LTN1: variants seen among roughly 807,000 people sequenced by gnomAD.
The protein encoded by LTN1 is E3 ubiquitin-protein ligase listerin.
Under a neutral mutation model 201.2 loss-of-function variants are expected in LTN1, and 88 were observed. The ratio of observed to expected loss-of-function variants is 0.44; its 90% CI spans 0.37 to 0.52. LTN1 has a LOEUF of 0.52. Ranked by LOEUF, LTN1 falls within the 20% of genes least tolerant of loss-of-function variation. The pLI, the probability that LTN1 is intolerant of heterozygous loss-of-function variation, is 0.00. For synonymous variants in LTN1, 645 were observed against 713.5 expected, an observed-to-expected ratio of 0.90 and a Z score of 1.53; for missense variants, 1,752 against 2,038.7, an observed-to-expected ratio of 0.86 and a Z score of 2.71.
At chr21:28,942,259 G>C (rs2084302991) in intron 24 of LTN1, among the ~76,000 whole-genome samples, 1 of 152,004 alleles carries the variant, frequency 6.6e-6, no homozygotes. Context: ...TAAAATACCA[G>C]CTCCAAAATC....
At chr21:28,945,749 T>C in intron 21 of LTN1, 58 bp downstream of exon 21, 1 of 1,496,010 alleles carries the variant, frequency 6.7e-7, no homozygotes, top group Non-Finnish European at 9.1e-7. Flanking sequence ...TAAATAGTTC[T>C]GATGCAAAAG....
chr21:28,982,437 G>T, intron 4 of LTN1, 69 bp from the exon 5 acceptor site: 1 of 1,157,016 alleles, frequency 8.6e-7, no homozygotes, highest in Non-Finnish European at 1.3e-6. Flanking sequence ...ACAGAGCCTA[G>T]TTAAATAAAA....
intron 19 of LTN1, 42 bp downstream of exon 19, chr21:28,947,422 C>G: frequency 7.0e-7 from 1 of 1,437,534 alleles, no homozygotes; most frequent in Non-Finnish European, 9.2e-7. Flanking sequence ...TCATCTCAAG[C>G]AATAATTAAA....
Position 28,986,939 on chromosome 21 carries a change from T to C in LTN1, c.43-5A>G. ...AGCTCGGCCACTGTTTGAAGGCTGA[T>C]AAGAAAATTACGGAGAAAAAAGTCA... On this transcript the variant is annotated splice_region_variant and splice_polypyrimidine_tract_variant and intron_variant, in intron 1 of 29. Coordinates refer to ENST00000361371, the MANE Select transcript of LTN1 (RefSeq NM_015565.3). This position sits in a 1 kb window ranked among gnomAD's most constrained non-coding sequence, Gnocchi z 4.1. 1.2e-6 allele frequency: 2 copies of C among 1,609,992 alleles called. No homozygotes were observed. Among genetic ancestry groups the C allele is most frequent in the Non-Finnish European group, 1.7e-6 (2 of 1,176,284 alleles).
intron 12 of LTN1, 67 bp downstream of exon 12, chr21:28,960,450 A>G: frequency 7.8e-7 from 1 of 1,285,504 alleles, no homozygotes; most frequent in Non-Finnish European, 1.1e-6. Context: ...GCTGAGCCCC[A>G]TGCAATCCCC....
At chr21:28,965,346 T>C (rs1024674419) in intron 11 of LTN1, among the ~76,000 whole-genome samples, 2 of 152,198 alleles carry the variant, frequency 1.3e-5, no homozygotes, top group South Asian at 4.1e-4. Flanking sequence ...TTTTGAAAAT[T>C]TGTAAATTGT....
rs1238188121 is a variant in LTN1, at chr21:28,970,860, TAA to T, written c.985-120_985-119del. On this transcript the variant is annotated intron_variant, in intron 7 of 29. Transcript: ENST00000361371. ...ACCAAGTATTTTACCTAAAAAAAGCTAAAATCTTTCACCACCATTAAAAACTA... is the reference window on the plus strand; with the variant it reads ...ACCAAGTATTTTACCTAAAAAAAGCTAATCTTTCACCACCATTAAAAACTA... The T allele has an allele frequency of 7.3e-6, 5 of 687,636 alleles. No homozygotes were observed. In the African/African-American group the frequency reaches 9.2e-5, roughly 13 times the overall value. The allele number at this position is 687,636 out of a possible 1,614,324, so 42.6% of individuals were successfully genotyped here.
intron 16 of LTN1, among the ~76,000 whole-genome samples, chr21:28,953,781 AAGGACATG>A (rs2084402957): frequency 6.6e-6 from 1 of 152,216 alleles, no homozygotes; most frequent in South Asian, 2.1e-4. Context: ...GATACAGTAA[AAGGACATG>A]AGGCCTCAAT....
intron 24 of LTN1, among the ~76,000 whole-genome samples, chr21:28,942,666 TTG>T (rs1045767729): frequency 3.9e-5 from 6 of 152,172 alleles, no homozygotes; most frequent in African/African-American, 1.4e-4. Context: ...TTAACTTATG[TTG>T]TCTTTCCTGT....
chr21:28,974,417 A>G (rs1414905175), intron 6 of LTN1, among the ~76,000 whole-genome samples: 5 of 152,226 alleles, frequency 3.3e-5, no homozygotes, highest in Non-Finnish European at 7.3e-5. Context: ...AGCTCTGTGG[A>G]TAAAACACAC....
At chr21:28,969,701 A>G in intron 8 of LTN1, 100 bp from the exon 9 acceptor site, 1 of 763,150 alleles carries the variant, frequency 1.3e-6, no homozygotes, top group East Asian at 2.8e-5. Flanking sequence ...TGACAGAAGA[A>G]ACATTTTTAA....
rs2084198234 is a variant in LTN1 at position 28,929,974 on chromosome 21, A to G, written c.*474T>C. On this transcript the variant is annotated 3_prime_UTR_variant, in exon 30 of 30. Coordinates refer to ENST00000361371, the MANE Select transcript of LTN1 (RefSeq NM_015565.3). ...ATCATTAAAATAATCTACAAATATC[A>G]GAATACTAATTTATTGTCATAACTA... 6.6e-6 allele frequency: 1 copy of G among 152,324 alleles called. No individual in the cohort carries two copies. Among genetic ancestry groups the G allele is most frequent in the Non-Finnish European group, 1.5e-5 (1 of 68,122 alleles). 9.4% of individuals were successfully genotyped at this position (152,324 alleles called of 1,614,324 possible).
At chr21:28,954,919 A>T (rs560510121) in intron 16 of LTN1, among the ~76,000 whole-genome samples, 1 of 152,360 alleles carries the variant, frequency 6.6e-6, no homozygotes, top group South Asian at 2.1e-4. Flanking sequence ...AAGGCAACAA[A>T]AACAGGCAAA....
At chr21:28,985,047 A>G in intron 3 of LTN1, 125 bp from the exon 4 acceptor site, 1 of 577,036 alleles carries the variant, frequency 1.7e-6, no homozygotes, top group South Asian at 2.6e-5. Flanking sequence ...AACTGAAATC[A>G]TTTTTTTTAA....
At chr21:28,984,660 A>C in intron 4 of LTN1, 32 bp downstream of exon 4, 2 of 1,549,592 alleles carry the variant, frequency 1.3e-6, no homozygotes, top group East Asian at 2.3e-5. Flanking sequence ...CTTAAAAAAA[A>C]AAAATAGATT....
At chr21:28,989,509 T>G (rs1001368444) in intron 1 of LTN1, among the ~76,000 whole-genome samples, 2 of 152,158 alleles carry the variant, frequency 1.3e-5, no homozygotes, top group Non-Finnish European at 2.9e-5. Context: ...CTACACTCTT[T>G]CATGCCTAGC....
At chr21:28,941,827 T>C (rs886421230) in intron 24 of LTN1, among the ~76,000 whole-genome samples, 2 of 152,212 alleles carry the variant, frequency 1.3e-5, no homozygotes, top group Non-Finnish European at 2.9e-5. Flanking sequence ...TATTGCATAT[T>C]ATCTACTTAG....
intron 16 of LTN1, among the ~76,000 whole-genome samples, chr21:28,953,934 T>C (rs1356253908): frequency 6.6e-6 from 1 of 152,206 alleles, no homozygotes; most frequent in East Asian, 1.9e-4. Flanking sequence ...AAGCCTGGTA[T>C]ATCATAGGTT....
Position 28,969,478 on chromosome 21 carries a change from G to A in LTN1, c.1299C>T (p.Leu433=), listed in dbSNP as rs772427977. The A allele has an allele frequency of 1.1e-5, 17 of 1,608,828 alleles. No individual in the cohort carries two copies. The highest frequency in any genetic ancestry group is 1.4e-5 in the Non-Finnish European group (16 of 1,178,684). Residue 433 remains leucine, a synonymous_variant, in exon 9 of 30, where the codon CTC becomes CTT. Coordinates refer to ENST00000361371, the MANE Select transcript of LTN1 (RefSeq NM_015565.3). ...ACATTATAGATACCTGATCATTGAC[G>A]AGCATCTGTTCAATCTCTTCCTCAC... ...NLGEEEIEQM[L]VNDQLIPFID... is the part of the protein sequence containing the mutation.
Sources: gnomAD v4.1 joint callset for allele counts (sites outside exome capture counted in the v4.1 genomes callset) on GRCh38, gnomAD v4.1.1 for gene constraint, Gnocchi (gnomAD v3.1) non-coding constraint, MANE v1.5 for transcripts, NCBI Gene and HGNC (gene_info 2026-07-23, HGNC 2026-07-21) for gene names.